Variants in SDK1 observed in about 807,000 individuals in gnomAD.
The protein encoded by SDK1 is protein sidekick-1.
In SDK1, 157 loss-of-function variants were observed where a neutral mutation model predicts 245.5. The observed-to-expected ratio is 0.64, with a 90% CI of 0.56 to 0.73. The LOEUF (loss-of-function observed/expected upper bound fraction) is 0.73. Ranked by LOEUF, SDK1 falls within the 30% of genes least tolerant of loss-of-function variation. The pLI, the probability that SDK1 is intolerant of heterozygous loss-of-function variation, is 0.00. For synonymous variants in SDK1, 1,647 were observed against 1,278.5 expected, an observed-to-expected ratio of 1.29 and a Z score of -6.15; for missense variants, 3,583 against 3,002.3, an observed-to-expected ratio of 1.19 and a Z score of -4.52.
rs946851697 is a variant in SDK1, at chr7:3,734,498, TTG to T, written c.714-86950_714-86949del. On this transcript the variant is annotated intron_variant, in intron 4 of 44. Transcript: ENST00000404826. ...CTTGAAAAGGGATGTACTTTAGTAT[TTG>T]TCTGTTGTAGAATTGTTCTTTAACT... Among the ~76,000 whole-genome samples the T allele has an allele frequency of 3.0e-4, 45 of 152,340 alleles. 1 individual carries two copies. The highest frequency in any genetic ancestry group is 1.1e-3 in the African/African-American group (45 of 41,582).
At chr7:3,545,294 G>T (rs1340614366) in intron 1 of SDK1, among the ~76,000 whole-genome samples, 1 of 152,128 alleles carries the variant, frequency 6.6e-6, no homozygotes, top group Non-Finnish European at 1.5e-5. Flanking sequence ...CAGAAAAATG[G>T]TGGGGCACAC....
At chr7:4,100,381 C>T (rs1782454625) in intron 22 of SDK1, among the ~76,000 whole-genome samples, 1 of 152,098 alleles carries the variant, frequency 6.6e-6, no homozygotes, top group East Asian at 1.9e-4. Flanking sequence ...TTTCGGGGGA[C>T]ACACTTGGGA....
chr7:3,598,930 G>A (rs1042669436), intron 1 of SDK1, among the ~76,000 whole-genome samples: 1 of 152,216 alleles, frequency 6.6e-6, no homozygotes. Context: ...GAAGGTTTCT[G>A]TGTGAACATA....
chr7:3,365,563 C>A (rs191795459), intron 1 of SDK1, among the ~76,000 whole-genome samples: 9 of 152,206 alleles, frequency 5.9e-5, no homozygotes, highest in African/African-American at 1.9e-4. Flanking sequence ...TTAATGATAT[C>A]AACTTATTTG....
At position 4,208,106 on chromosome 7, in the gene SDK1, A is replaced by C. The variant is rs561501706; in HGVS notation, c.5222A>C (p.Tyr1741Ser). 6.2e-7 allele frequency: 1 copy of C among 1,612,392 alleles called. No homozygotes were observed. The highest frequency in any genetic ancestry group is 8.5e-7 in the Non-Finnish European group (1 of 1,179,264). Residue 1741 changes from tyrosine to serine, a missense_variant, in exon 37 of 45, where the codon TAC becomes TCC. Physicochemically the swap from Tyr to Ser is moderately radical, Grantham distance 144. Coordinates refer to ENST00000404826, the MANE Select transcript of SDK1 (RefSeq NM_152744.4). The stretch of plus-strand genomic sequence containing the variant: ...TCTTGCTGTTCCTAACAGATTTACT[A>C]CTGGGAGGCAGACAGCCAGAACGAA... The part of the protein sequence containing the change: ...NGNIQGYKIY[Y>S]WEADSQNETE...
chr7:3,947,374 A>T (rs77897331), intron 5 of SDK1, among the ~76,000 whole-genome samples: 153 of 152,318 alleles, frequency 1.0e-3, no homozygotes, highest in African/African-American at 3.6e-3. Context: ...CTATGGATTA[A>T]TTCTAAAGTT....
chr7:4,250,227 T>A (rs751803391), intron 44 of SDK1, among the ~76,000 whole-genome samples: 1 of 152,210 alleles, frequency 6.6e-6, no homozygotes, highest in Non-Finnish European at 1.5e-5. Flanking sequence ...AGTAATCAAT[T>A]TGTGTGTTTC....
intron 5 of SDK1, among the ~76,000 whole-genome samples, chr7:3,848,115 G>T (rs975263610): frequency 6.6e-6 from 1 of 152,060 alleles, no homozygotes; most frequent in Non-Finnish European, 1.5e-5. Context: ...ATTCCATCTC[G>T]AGCTGTTATG....
chr7:3,362,024 A>G (rs1166942177), intron 1 of SDK1, among the ~76,000 whole-genome samples: 2 of 152,184 alleles, frequency 1.3e-5, no homozygotes, highest in African/African-American at 4.8e-5. Context: ...AAAGGATTTA[A>G]AGTTTATTAT....
At chr7:4,211,224 G>C (rs1334436466) in intron 38 of SDK1, among the ~76,000 whole-genome samples, 2 of 152,336 alleles carry the variant, frequency 1.3e-5, no homozygotes, top group East Asian at 3.9e-4. Context: ...AGCTTCCATA[G>C]AAGAGCAGGG....
chr7:3,484,304 C>G lies in SDK1; in HGVS notation c.299-134776C>G, dbSNP rs185773403. Reference sequence around the variant, plus strand: ...ATGTATACACACATTTTTTTTCAACCAAACATAGATCGAAAATACATATTC... The same window carrying G: ...ATGTATACACACATTTTTTTTCAACGAAACATAGATCGAAAATACATATTC... On this transcript the variant is annotated intron_variant, in intron 1 of 44. Transcript: ENST00000404826. 4.9e-4 allele frequency among the ~76,000 whole-genome samples: 74 copies of G among 152,190 alleles called. 1 individual carries two copies. The highest frequency in any genetic ancestry group is 1.6e-3 in the African/African-American group (66 of 41,530).
At chr7:3,362,189 C>T (rs1243445843) in intron 1 of SDK1, among the ~76,000 whole-genome samples, 2 of 152,138 alleles carry the variant, frequency 1.3e-5, no homozygotes, top group Non-Finnish European at 2.9e-5. Context: ...TGGGAGAACC[C>T]TATATATCCC....
chr7:3,464,351 C>G (rs564500851), intron 1 of SDK1, among the ~76,000 whole-genome samples: 37 of 152,172 alleles, frequency 2.4e-4, no homozygotes, highest in Non-Finnish European at 3.1e-4. Flanking sequence ...TAGCAAGACC[C>G]CATCTTTACA....
intron 1 of SDK1, chr7:3,338,292 T>C: frequency 4.2e-6 from 2 of 478,738 alleles, no homozygotes; most frequent in Admixed American, 2.4e-5. Flanking sequence ...CCACAAGTGT[T>C]ACCATGGCAA....
chr7:3,747,196 G>C (rs1779650288), intron 4 of SDK1, among the ~76,000 whole-genome samples: 1 of 152,150 alleles, frequency 6.6e-6, no homozygotes, highest in African/African-American at 2.4e-5. Flanking sequence ...GTGTGACACA[G>C]AACTACCTAG....
intron 40 of SDK1, among the ~76,000 whole-genome samples, chr7:4,225,368 G>C (rs189411426): frequency 6.6e-6 from 1 of 152,182 alleles, no homozygotes. Flanking sequence ...AGCCTGCTCG[G>C]ACAAGCACAC....
At chr7:3,525,913 G>C (rs971898400) in intron 1 of SDK1, among the ~76,000 whole-genome samples, 4 of 152,102 alleles carry the variant, frequency 2.6e-5, no homozygotes, top group African/African-American at 9.7e-5. Flanking sequence ...AATAGAGATT[G>C]AGATAATATA....
intron 28 of SDK1, among the ~76,000 whole-genome samples, chr7:4,140,981 T>C (rs1050625120): frequency 6.6e-6 from 1 of 152,176 alleles, no homozygotes; most frequent in African/African-American, 2.4e-5. Context: ...AGATGAGAAC[T>C]GAGAGTCAGG....
intron 1 of SDK1, among the ~76,000 whole-genome samples, chr7:3,526,210 GAGAC>G (rs1030107872): frequency 2.0e-4 from 30 of 151,844 alleles, no homozygotes; most frequent in African/African-American, 7.2e-4. Flanking sequence ...TCCAGCCTGG[GAGAC>G]AGAGCGAGAC....
Sources: allele counts gnomAD v4.1 joint callset (sites outside exome capture counted in the v4.1 genomes callset), GRCh38; gene constraint gnomAD v4.1.1; transcripts MANE v1.5; gene names NCBI Gene and HGNC (gene_info 2026-07-23, HGNC 2026-07-21).